The following CASD1 variants were observed in gnomAD, a reference collection of about 807,000 sequenced individuals.
CASD1 encodes the protein CAS1 domain sialic acid O acetyltransferase 1.
Under a neutral mutation model 100.0 loss-of-function variants are expected in CASD1, and 41 were observed. That is an observed-to-expected ratio of 0.41 (90% confidence interval 0.32 to 0.53). The LOEUF (loss-of-function observed/expected upper bound fraction) is 0.53. CASD1 is among the 20% of genes least tolerant of loss of function. The pLI is 0.25. For synonymous variants in CASD1, 321 were observed against 315.6 expected, an observed-to-expected ratio of 1.02 and a Z score of -0.18; for missense variants, 774 against 948.7, an observed-to-expected ratio of 0.82 and a Z score of 2.42.
chr7:94,551,754 T>C (rs1488597402), intron 15 of CASD1: 1 of 164,556 alleles, frequency 6.1e-6, no homozygotes, highest in Admixed American at 6.4e-5. Context: ...TTCAAATGCA[T>C]GCAAAATGTT....
chr7:94,603,355 G>C, the CASD1 span: 1 of 1,612,134 alleles, frequency 6.2e-7, no homozygotes, highest in South Asian at 1.1e-5. Context: ...GTTATTACAG[G>C]CTCCATTTCT....
At chr7:94,549,776 C>T (rs1034370909) in intron 14 of CASD1, 142 bp downstream of exon 14, 2 of 556,492 alleles carry the variant, frequency 3.6e-6, no homozygotes, top group Non-Finnish European at 6.3e-6. Context: ...CAGTCCACTA[C>T]CCCCTGCACT....
chr7:94,620,424 A>T, the CASD1 span: 1 of 152,198 alleles, frequency 6.6e-6, no homozygotes, highest in African/African-American at 2.4e-5. Flanking sequence ...TTTAAAATAT[A>T]TTTATTCTCA....
At chr7:94,525,150 G>A (rs879396486) in intron 3 of CASD1, among the ~76,000 whole-genome samples, 4 of 152,098 alleles carry the variant, frequency 2.6e-5, no homozygotes, top group Non-Finnish European at 5.9e-5. Flanking sequence ...GAGGGAGAAA[G>A]GTAAAGCTGG....
the CASD1 span, among the ~76,000 whole-genome samples, chr7:94,573,596 G>A: frequency 6.6e-6 from 1 of 152,168 alleles, no homozygotes; most frequent in Non-Finnish European, 1.5e-5. Context: ...AAACTTTGCT[G>A]TAGTTGCTTA....
At chr7:94,609,903 C>T in the CASD1 span, among the ~76,000 whole-genome samples, 1 of 152,148 alleles carries the variant, frequency 6.6e-6, no homozygotes, top group Non-Finnish European at 1.5e-5. Context: ...AAAGCCTGCA[C>T]ATGGATATCT....
chr7:94,515,081 T>A (rs1793907763), intron 1 of CASD1, among the ~76,000 whole-genome samples: 1 of 152,096 alleles, frequency 6.6e-6, no homozygotes, highest in African/African-American at 2.4e-5. Context: ...ATTACTACTA[T>A]TTTTATAATT....
At chr7:94,598,850 A>G in the CASD1 span, 6 of 1,613,074 alleles carry the variant, frequency 3.7e-6, no homozygotes, top group Admixed American at 5.0e-5. Context: ...TTCCCCAGTC[A>G]CAGGGTGGAA....
At chr7:94,549,161 A>G (rs1240274317) in intron 13 of CASD1, among the ~76,000 whole-genome samples, 2 of 151,966 alleles carry the variant, frequency 1.3e-5, no homozygotes, top group Admixed American at 1.3e-4. Flanking sequence ...TGATGAGTAA[A>G]TACTAGTTAT....
the CASD1 span, chr7:94,627,645 C>A: frequency 6.6e-6 from 1 of 152,394 alleles, no homozygotes; most frequent in Non-Finnish European, 1.5e-5. Context: ...CAAGTAAATT[C>A]TTTACCTTCT....
At chr7:94,558,913 C>T (rs1035196179), downstream of CASD1, among the ~76,000 whole-genome samples, 4 of 152,094 alleles carry the variant, frequency 2.6e-5, no homozygotes, top group African/African-American at 9.7e-5. Flanking sequence ...AATTCTCCTG[C>T]CTCAGCCTCC....
the CASD1 span, chr7:94,629,809 G>A: frequency 2.4e-5 from 39 of 1,610,570 alleles, no homozygotes; most frequent in East Asian, 1.1e-4. Context: ...TATACATTCC[G>A]ATCGGAGTGT....
intron 2 of CASD1, among the ~76,000 whole-genome samples, chr7:94,517,926 C>CTAAGTTATTCTAAG (rs1364091294): frequency 6.6e-6 from 1 of 152,196 alleles, no homozygotes; most frequent in Non-Finnish European, 1.5e-5. Flanking sequence ...GGATACCTAT[C>CTAAGTTATTCTAAG]TTATGGAGTT....
chr7:94,614,583 G>A, the CASD1 span, among the ~76,000 whole-genome samples: 1 of 152,040 alleles, frequency 6.6e-6, no homozygotes, highest in Non-Finnish European at 1.5e-5. Context: ...CCCCTGCATA[G>A]CGTTCCCATT....
chr7:94,536,472 A>G (rs1562941725), intron 8 of CASD1, among the ~76,000 whole-genome samples: 1 of 152,150 alleles, frequency 6.6e-6, no homozygotes, highest in Non-Finnish European at 1.5e-5. Flanking sequence ...AAGCCCTTTG[A>G]GTATCTGATA....
the CASD1 span, chr7:94,598,566 G>A: frequency 1.7e-6 from 1 of 579,920 alleles, no homozygotes; most frequent in Non-Finnish European, 3.1e-6. Context: ...AGTCTTGTTT[G>A]GATCAGTGGG....
chr7:94,619,104 A>T, the CASD1 span: 17 of 664,690 alleles, frequency 2.6e-5, no homozygotes, highest in East Asian at 4.6e-4. Flanking sequence ...CTTTCTGTTT[A>T]ACAGAGGATG....
chr7:94,555,466 T>C, intron 17 of CASD1, 26 bp from the exon 18 acceptor site: 2 of 1,603,044 alleles, frequency 1.2e-6, no homozygotes, highest in South Asian at 1.1e-5. Context: ...TCTATAAATA[T>C]CTGACTTAAA....
chr7:94,539,160 T>C, intron 10 of CASD1, 104 bp downstream of exon 10: 1 of 484,200 alleles, frequency 2.1e-6, no homozygotes. Flanking sequence ...CTACCAGTTA[T>C]AGACCCTTCT....
Sources: allele counts gnomAD v4.1 joint callset (sites outside exome capture counted in the v4.1 genomes callset), GRCh38; gene constraint gnomAD v4.1.1; transcripts MANE v1.5; gene names NCBI Gene and HGNC (gene_info 2026-07-23, HGNC 2026-07-21).